The following FNBP1 variants were observed in gnomAD, a reference collection of about 807,000 sequenced individuals.
FNBP1 encodes the protein formin-binding protein 1.
FNBP1 carries 26 observed loss-of-function variants against 90.6 expected under a neutral mutation model. That is an observed-to-expected ratio of 0.29 (90% confidence interval 0.21 to 0.40). The LOEUF is 0.40. Among genes scored for constraint, FNBP1 ranks in the 10% least tolerant of loss-of-function variants. FNBP1 has a pLI of 1.00. For synonymous variants in FNBP1, 260 were observed against 265.2 expected, an observed-to-expected ratio of 0.98 and a Z score of 0.19; for missense variants, 635 against 768.0, an observed-to-expected ratio of 0.83 and a Z score of 2.05.
chr9:130,047,303 CT>C (rs2060066226), upstream of FNBP1, among the ~76,000 whole-genome samples: 1 of 152,192 alleles, frequency 6.6e-6, no homozygotes. Context: ...CAAAAGTCCC[CT>C]ATGTGAATTA....
At position 129,957,512 on chromosome 9, in the gene FNBP1, A is replaced by G. The variant is rs781716198; in HGVS notation, c.409-48T>C. The G allele has an allele frequency of 1.5e-6, 2 of 1,368,716 alleles. No individual in the cohort carries two copies. Among genetic ancestry groups the G allele is most frequent in the Non-Finnish European group, 2.1e-6 (2 of 970,322 alleles). The allele number at this position is 1,368,716 out of a possible 1,614,324, so 84.8% of individuals were successfully genotyped here. A position where few individuals can be genotyped will look rare whatever the true frequency, so the allele number is the denominator to read the frequency against. ...ATGAAACCATAAGAGTCCTACGAGA[A>G]GATGTAATTTTATCTAAAGCTCCCA... On this transcript the variant is annotated intron_variant, in intron 5 of 16. Transcript: ENST00000446176. The surrounding 1 kb of genome is among the most constrained non-coding windows in gnomAD (Gnocchi z 4.3).
chr9:129,969,958 G>A (rs2049194873), intron 4 of FNBP1, among the ~76,000 whole-genome samples: 1 of 145,884 alleles, frequency 6.9e-6, no homozygotes, highest in African/African-American at 2.5e-5. Context: ...GCGCGATCTC[G>A]GCTCCTTGCA....
In FNBP1 at chr9:129,888,446, A is replaced by G. The variant is rs996520501; in HGVS notation, c.*2093T>C. On this transcript the variant is annotated 3_prime_UTR_variant, in exon 17 of 17. Transcript: ENST00000446176. Reference sequence around the variant, plus strand: ...ACCATGCACCTGTTGGTTTGCAGGGACAGAGGTGCGGCCCTGACTCTTCTC... The same window carrying G: ...ACCATGCACCTGTTGGTTTGCAGGGGCAGAGGTGCGGCCCTGACTCTTCTC... 8.6e-6 allele frequency: 2 copies of G among 232,538 alleles called. No homozygotes were observed. Among genetic ancestry groups the G allele is most frequent in the African/African-American group, 4.4e-5 (2 of 45,290 alleles). The allele number at this position is 232,538 out of a possible 1,614,324, so 14.4% of individuals were successfully genotyped here.
chr9:129,970,127 G>A (rs755367807), intron 4 of FNBP1, among the ~76,000 whole-genome samples: 23 of 151,302 alleles, frequency 1.5e-4, no homozygotes, highest in Admixed American at 1.1e-3. Flanking sequence ...AGATGGTCTC[G>A]ATCTCCCGAC....
At chr9:130,022,254 G>C (rs2057907848) in intron 1 of FNBP1, among the ~76,000 whole-genome samples, 1 of 151,984 alleles carries the variant, frequency 6.6e-6, no homozygotes, top group Non-Finnish European at 1.5e-5. Context: ...CACCAGGCTG[G>C]AGTGTAGTGG....
At chr9:129,930,679 T>C (rs1025235857) in intron 6 of FNBP1, among the ~76,000 whole-genome samples, 5 of 152,178 alleles carry the variant, frequency 3.3e-5, no homozygotes, top group South Asian at 2.1e-4. Context: ...AGAATGGATT[T>C]TAAAGTTCAA....
At chr9:130,040,083 G>A (rs1156936745) in intron 1 of FNBP1, among the ~76,000 whole-genome samples, 1 of 151,932 alleles carries the variant, frequency 6.6e-6, no homozygotes, top group Admixed American at 6.6e-5. Context: ...CCCTCCGCTG[G>A]GCTACCCAAT....
chr9:129,909,371 G>GTTA (rs1258311348), intron 11 of FNBP1, among the ~76,000 whole-genome samples: 10 of 152,138 alleles, frequency 6.6e-5, no homozygotes, highest in African/African-American at 2.4e-4. Context: ...CAACACTGAA[G>GTTA]TGTTAATGAA....
intron 15 of FNBP1, among the ~76,000 whole-genome samples, chr9:129,896,280 A>G (rs2035725918): frequency 1.3e-5 from 2 of 152,042 alleles, no homozygotes. Flanking sequence ...TTCTCACTGG[A>G]TAAATCTTTG....
At chr9:130,034,933 G>A (rs762768833) in intron 1 of FNBP1, among the ~76,000 whole-genome samples, 1 of 152,076 alleles carries the variant, frequency 6.6e-6, no homozygotes, top group Admixed American at 6.5e-5. Context: ...GATCACTTGA[G>A]CCCAGGAGTT....
chr9:129,968,165 C>G (rs1204163283), intron 4 of FNBP1, among the ~76,000 whole-genome samples: 1 of 152,094 alleles, frequency 6.6e-6, no homozygotes, highest in Non-Finnish European at 1.5e-5. Flanking sequence ...GAGGCCGAGG[C>G]AGGCAGATCA....
At position 129,889,081 on chromosome 9, in the gene FNBP1, C is replaced by CGGGGG. The variant is rs753987401; in HGVS notation, c.*1453_*1457dup. 1.7e-4 allele frequency: 7 copies of CGGGGG among 40,802 alleles called. No homozygotes were observed. Among genetic ancestry groups the CGGGGG allele is most frequent in the South Asian group, 2.2e-3 (2 of 906 alleles). The allele number at this position is 40,802 out of a possible 1,614,324, so 2.5% of individuals were successfully genotyped here. A position where few individuals can be genotyped will look rare whatever the true frequency, so the allele number is the denominator to read the frequency against. ...GGGGCTGCTCTGCTCTAAGGCGTGG[C>CGGGGG]GGGGGGGGGGGGTGGTGGCCACAGA... On this transcript the variant is annotated 3_prime_UTR_variant, in exon 17 of 17. Coordinates refer to ENST00000446176, the MANE Select transcript of FNBP1 (RefSeq NM_015033.3).
chr9:129,970,390 G>C (rs2049270995), intron 4 of FNBP1, among the ~76,000 whole-genome samples: 1 of 151,804 alleles, frequency 6.6e-6, no homozygotes, highest in Non-Finnish European at 1.5e-5. Context: ...ATTTTTAGTG[G>C]AGACGGGGTT....
chr9:130,027,898 C>T (rs929309101), intron 1 of FNBP1, among the ~76,000 whole-genome samples: 45 of 151,976 alleles, frequency 3.0e-4, no homozygotes, highest in African/African-American at 9.9e-4. Context: ...AAAAAACGCA[C>T]GGCTATTTGT....
At position 129,895,916 on chromosome 9, in the gene FNBP1, G is replaced by A. The variant is rs1177816497; in HGVS notation, c.1768C>T (p.Arg590Cys). Residue 590 changes from arginine to cysteine, a missense_variant, in exon 16 of 17, where the codon CGC (arginine) becomes TGC (cysteine). Arg to Cys is a radical substitution (Grantham distance 180). Transcript: ENST00000446176. ...TCTTCATCTTCATTTCTCCGAATGC[G>A]GGTCCAGCCATCGCCTTTGTCTTCC... ...IEEDKGDGWT[R>C]IRRNEDEEGY... 1.4e-5 allele frequency: 23 copies of A among 1,613,498 alleles called. No homozygotes were observed. The highest frequency in any genetic ancestry group is 5.3e-5 in the African/African-American group (4 of 74,806).
At chr9:129,904,598 G>C (rs1414950750) in intron 12 of FNBP1, among the ~76,000 whole-genome samples, 1 of 152,166 alleles carries the variant, frequency 6.6e-6, no homozygotes, top group Admixed American at 6.6e-5. Flanking sequence ...GAAATAACAG[G>C]AAGAGAGCTT....
At position 129,957,319 on chromosome 9, in the gene FNBP1, T is replaced by G; in HGVS notation, c.513+41A>C. ...TCCCAAAGTGCTGGGATTACAGGCG[T>G]GAGCCACCGTGCCCGGCCCACACTT... On this transcript the variant is annotated intron_variant, in intron 6 of 16. Coordinates refer to ENST00000446176, the MANE Select transcript of FNBP1 (RefSeq NM_015033.3). The surrounding 1 kb of genome is among the most constrained non-coding windows in gnomAD (Gnocchi z 4.3). 2.8e-6 allele frequency: 4 copies of G among 1,430,342 alleles called. No homozygotes were observed. The highest frequency in any genetic ancestry group is 3.9e-6 in the Non-Finnish European group (4 of 1,016,108). 88.6% of individuals were successfully genotyped at this position (1,430,342 alleles called of 1,614,324 possible).
At chr9:129,914,885 A>C (rs2040022308) in intron 11 of FNBP1, 1 of 467,358 alleles carries the variant, frequency 2.1e-6, no homozygotes. Context: ...ATCACTGTCC[A>C]TTATTTTAGG....
chr9:129,923,713 T>TG (rs2041461222), intron 10 of FNBP1, 131 bp downstream of exon 10: 3 of 1,017,074 alleles, frequency 2.9e-6, no homozygotes, highest in East Asian at 6.7e-5. Context: ...TGGTTTTTGT[T>TG]TTTTTTTTTT....
Sources: allele counts gnomAD v4.1 joint callset (sites outside exome capture counted in the v4.1 genomes callset), GRCh38; gene constraint gnomAD v4.1.1; non-coding constraint Gnocchi (gnomAD v3.1); transcripts MANE v1.5; gene names NCBI Gene and HGNC (gene_info 2026-07-23, HGNC 2026-07-21).